Variants in MIURF observed in about 807,000 individuals in gnomAD.
At chr22:39,504,426 T>C in the MIURF span, 3 of 398,776 alleles carry the variant, frequency 7.5e-6, no homozygotes, top group Admixed American at 1.3e-4. Flanking sequence ...CAACGGCAAA[T>C]TGGGGAGGAT....
At chr22:39,504,234 G>T in the MIURF span, 1 of 399,312 alleles carries the variant, frequency 2.5e-6, no homozygotes, top group Non-Finnish European at 4.4e-6. Context: ...GTCCCCCATG[G>T]CCCCGTGGAG....
At chr22:39,504,292 G>T in the MIURF span, 2 of 398,944 alleles carry the variant, frequency 5.0e-6, no homozygotes, top group Non-Finnish European at 4.4e-6. Context: ...CGCCAGGGCC[G>T]ACAGCTTCGC....
the MIURF span, chr22:39,504,264 C>G: frequency 1.4e-3 from 547 of 399,146 alleles, 4 homozygotes; most frequent in African/African-American, 7.2e-3. Flanking sequence ...GGTGCTGAGT[C>G]TCTATCGGGC....
At chr22:39,504,381 C>G in the MIURF span, 2 of 398,842 alleles carry the variant, frequency 5.0e-6, no homozygotes, top group African/African-American at 4.1e-5. Flanking sequence ...CGCTGAGGCC[C>G]GGGAGAGGCA....
At chr22:39,504,376 A>G in the MIURF span, 1 of 399,036 alleles carries the variant, frequency 2.5e-6, no homozygotes, top group Non-Finnish European at 4.4e-6. Context: ...GAGGACGCTG[A>G]GGCCCGGGAG....
At chr22:39,504,268 A>C in the MIURF span, 1 of 398,976 alleles carries the variant, frequency 2.5e-6, no homozygotes, top group Non-Finnish European at 4.4e-6. Flanking sequence ...CTGAGTCTCT[A>C]TCGGGCTCTG....
At chr22:39,504,268 A>G in the MIURF span, 10 of 398,976 alleles carry the variant, frequency 2.5e-5, no homozygotes, top group South Asian at 1.3e-4. Flanking sequence ...CTGAGTCTCT[A>G]TCGGGCTCTG....
the MIURF span, chr22:39,504,309 G>T: frequency 3.2e-3 from 1,293 of 399,082 alleles, 18 homozygotes; most frequent in African/African-American, 0.023. Flanking sequence ...TCGCTACACT[G>T]ATCGAGACTT....
the MIURF span, chr22:39,504,367 A>T: frequency 2.5e-6 from 1 of 398,992 alleles, no homozygotes; most frequent in Non-Finnish European, 4.4e-6. Flanking sequence ...CAGAAGCTAG[A>T]GGACGCTGAG....
At chr22:39,504,372 G>A in the MIURF span, 9 of 399,020 alleles carry the variant, frequency 2.3e-5, no homozygotes, top group South Asian at 1.3e-4. Flanking sequence ...GCTAGAGGAC[G>A]CTGAGGCCCG....
At chr22:39,504,372 G>C in the MIURF span, 1 of 398,902 alleles carries the variant, frequency 2.5e-6, no homozygotes, top group East Asian at 3.6e-5. Flanking sequence ...GCTAGAGGAC[G>C]CTGAGGCCCG....
chr22:39,504,371 C>T, the MIURF span: 2 of 399,014 alleles, frequency 5.0e-6, no homozygotes, highest in Non-Finnish European at 4.4e-6. Flanking sequence ...AGCTAGAGGA[C>T]GCTGAGGCCC....
At chr22:39,504,248 A>G in the MIURF span, 41 of 399,132 alleles carry the variant, frequency 1.0e-4, no homozygotes, top group Non-Finnish European at 1.5e-4. Flanking sequence ...CGTGGAGCCG[A>G]GAGGCGGTGC....
chr22:39,504,266 C>CT, the MIURF span: 1 of 399,158 alleles, frequency 2.5e-6, no homozygotes, highest in Non-Finnish European at 4.4e-6. Flanking sequence ...TGCTGAGTCT[C>CT]TATCGGGCTC....
At chr22:39,504,271 G>A in the MIURF span, 12 of 399,076 alleles carry the variant, frequency 3.0e-5, no homozygotes, top group South Asian at 2.5e-4. Flanking sequence ...AGTCTCTATC[G>A]GGCTCTGTTG....
the MIURF span, chr22:39,504,350 A>G: frequency 2.5e-6 from 1 of 399,080 alleles, no homozygotes; most frequent in Non-Finnish European, 4.4e-6. Flanking sequence ...GTGAATTCCG[A>G]AAAAATCAGA....
At chr22:39,504,384 G>T in the MIURF span, 1 of 398,926 alleles carries the variant, frequency 2.5e-6, no homozygotes, top group African/African-American at 2.1e-5. Context: ...TGAGGCCCGG[G>T]AGAGGCAGCT....
the MIURF span, chr22:39,504,376 A>T: frequency 2.5e-6 from 1 of 399,036 alleles, no homozygotes; most frequent in Non-Finnish European, 4.4e-6. Context: ...GAGGACGCTG[A>T]GGCCCGGGAG....
the MIURF span, chr22:39,504,244 G>A: frequency 2.5e-6 from 1 of 399,200 alleles, no homozygotes; most frequent in Non-Finnish European, 4.4e-6. Context: ...GCCCCGTGGA[G>A]CCGAGAGGCG....
Sources: gnomAD v4.1 joint callset for allele counts on GRCh38, gnomAD v4.1.1 for gene constraint, MANE v1.5 for transcripts.